The following KDM5C variants were observed in gnomAD, a reference collection of about 807,000 sequenced individuals.
The protein encoded by KDM5C is lysine demethylase 5C.
Under a neutral mutation model 110.6 loss-of-function variants are expected in KDM5C, and 16 were observed. That is an observed-to-expected ratio of 0.14 (90% CI 0.10 to 0.22). KDM5C has a LOEUF of 0.22. Among genes scored for constraint, KDM5C ranks in the 10% least tolerant of loss-of-function variants. The pLI, the probability that KDM5C is intolerant of heterozygous loss-of-function variation, is 1.00. For synonymous variants in KDM5C, 511 were observed against 520.4 expected (o/e 0.98, Z 0.24); for missense variants, 681 against 1,300.9 (o/e 0.52, Z 7.33).
chrX:53,201,345 TCAGAGGGG>T, intron 14 of KDM5C, 197 bp downstream of exon 14: 1 of 454,382 alleles, frequency 2.2e-6, no homozygotes, highest in Non-Finnish European at 3.9e-6. Context: ...ATCCCATTTT[TCAGAGGGG>T]AAAACTGACA....
chrX:53,189,397 T>C (rs890305336), downstream of KDM5C, among the ~76,000 whole-genome samples: 1 of 112,599 alleles, frequency 8.9e-6, no homozygotes. Flanking sequence ...TAGGGGTCTG[T>C]TTCCTGTGTC....
intron 2 of KDM5C, among the ~76,000 whole-genome samples, chrX:53,219,748 G>A (rs2073848400): frequency 8.9e-6 from 1 of 112,511 alleles, no homozygotes; most frequent in Admixed American, 9.4e-5. Context: ...AAAGGGCAAG[G>A]AAGTGCTCCT....
At chrX:53,207,976 A>G (rs781809391) in intron 12 of KDM5C, among the ~76,000 whole-genome samples, 122 of 108,056 alleles carry the variant, frequency 1.1e-3, no homozygotes, top group African/African-American at 3.8e-3. Flanking sequence ...CTCAAAAAAA[A>G]AAAAAAAAAA....
rs782723104 is a variant in KDM5C, at chrX:53,195,073, G to A, written c.3301-5C>T. 3 of 1,207,881 alleles carry A rather than the reference G, an allele frequency of 2.5e-6. No homozygotes were observed. In the South Asian group the frequency reaches 5.3e-5, roughly 22 times the overall value. ...ATCTGCACATGGGCAGAGAACCTGGGGCAGGCAGACAAGAGAGGGAATGAC... is the reference window on the plus strand; with the variant it reads ...ATCTGCACATGGGCAGAGAACCTGGAGCAGGCAGACAAGAGAGGGAATGAC... On this transcript the variant is annotated splice_polypyrimidine_tract_variant and splice_region_variant and intron_variant, in intron 21 of 25. Transcript: ENST00000375401.
chrX:53,197,794 T>G lies in KDM5C; in HGVS notation c.2599A>C (p.Met867Leu). ...ACCTTGACATCCCCAATCTGGTGCA[T>G]GGCGCAAGGCAGGTTGTTCATCTGG... Reference protein sequence around the residue: ...LDQMNNLPCAMHQIGDVKGVL... With the variant: ...LDQMNNLPCALHQIGDVKGVL... The change falls in exon 18 of 26, where the codon ATG (methionine) becomes CTG (leucine). Residue 867 changes from methionine to leucine, a missense_variant. Around this residue, in one of 14 missense-constraint regions of KDM5C, gnomAD observed 123 missense variants for 169.0 expected, o/e 0.73. Transcript: ENST00000375401. 8.3e-7 allele frequency: 1 copy of G among 1,205,415 alleles called. No homozygotes were observed. The highest frequency in any genetic ancestry group is 1.1e-6 in the Non-Finnish European group (1 of 892,108).
chrX:53,218,600 C>A, intron 2 of KDM5C: 2 of 493,068 alleles, frequency 4.1e-6, no homozygotes, highest in Admixed American at 2.8e-5. Context: ...TTTTTTGAGA[C>A]GGTCTTGCTC....
chrX:53,204,740 C>A (rs1005653945), intron 12 of KDM5C, among the ~76,000 whole-genome samples: 1 of 111,776 alleles, frequency 8.9e-6, no homozygotes, highest in African/African-American at 3.3e-5. Flanking sequence ...TCATGATCCA[C>A]CCGCCTCGGC....
intron 12 of KDM5C, among the ~76,000 whole-genome samples, chrX:53,204,803 C>T (rs1234432935): frequency 8.9e-6 from 1 of 112,006 alleles, no homozygotes; most frequent in East Asian, 2.8e-4. Context: ...GCCCTCACAG[C>T]TTCTTATACA....
intron 12 of KDM5C, among the ~76,000 whole-genome samples, chrX:53,208,884 C>T (rs181176145): frequency 0.021 from 1,934 of 91,766 alleles, 45 homozygotes; most frequent in Middle Eastern, 0.071. Context: ...GGTACAATCT[C>T]GGCTCACTGC....
chrX:53,191,090 C>T (rs1280288413), downstream of KDM5C, among the ~76,000 whole-genome samples: 2 of 111,665 alleles, frequency 1.8e-5, no homozygotes, highest in Non-Finnish European at 3.8e-5. Context: ...TTTGGAGGGT[C>T]AAGGATCCCT....
intron 12 of KDM5C, among the ~76,000 whole-genome samples, chrX:53,203,799 C>CT (rs1177719341): frequency 9.2e-6 from 1 of 108,293 alleles, no homozygotes; most frequent in Non-Finnish European, 1.9e-5. Context: ...CAGAGTCTCA[C>CT]TTTGTCGCCC....
rs1556831852 is a variant in KDM5C at position 53,192,886 on chromosome X, G to C, written c.*81C>G. 1 of 218,969 alleles carries C rather than the reference G, an allele frequency of 4.6e-6. No individual in the cohort carries two copies. The highest frequency in any genetic ancestry group is 8.1e-6 in the Non-Finnish European group (1 of 124,026). The allele number at this position is 218,969 out of a possible 1,213,427, so 18.0% of individuals were successfully genotyped here. ...ACCCCCCTACCCGCCCACCCCCCAA[G>C]AAGCAGGCTTGATGGTCAGAAAGAG... On this transcript the variant is annotated 3_prime_UTR_variant, in exon 26 of 26. Coordinates refer to ENST00000375401, the MANE Select transcript of KDM5C (RefSeq NM_004187.5).
rs1556834314 is a variant in KDM5C, at chrX:53,194,490, T to C, written c.3687A>G (p.Ser1229=). ...LLSSPRPNPT[S]SPLLAWWEWD... ...ATTCCCACCAGGCCAGCAGTGGGGA[T>C]GAGGTGGGATTGGGCCTCGGAGAGC... The change falls in exon 23 of 26, where the codon TCA becomes TCG. Residue 1229 remains serine, a synonymous_variant. Transcript: ENST00000375401. The C allele has an allele frequency of 8.3e-7, 1 of 1,211,034 alleles. No homozygotes were observed. The highest frequency in any genetic ancestry group is 1.1e-6 in the Non-Finnish European group (1 of 895,003).
downstream of KDM5C, chrX:53,191,830 T>A (rs925183660): frequency 5.7e-5 from 10 of 174,651 alleles, no homozygotes; most frequent in Admixed American, 7.9e-5. Context: ...GTAAATTATA[T>A]CTCAATAAAG....
At chrX:53,220,762 A>G (rs374281979) in intron 2 of KDM5C, 77 bp downstream of exon 2, 47 of 848,518 alleles carry the variant, frequency 5.5e-5, no homozygotes, top group South Asian at 3.8e-4. Context: ...CCTCAGCCAG[A>G]GAAACTATAA....
Position 53,225,033 on chromosome X carries a change from G to T in KDM5C, c.-144C>A. 5.9e-6 allele frequency: 4 copies of T among 682,954 alleles called. No homozygotes were observed. The highest frequency in any genetic ancestry group is 2.9e-5 in the South Asian group (1 of 34,026). 56.3% of individuals were successfully genotyped at this position (682,954 alleles called of 1,213,427 possible). A position where few individuals can be genotyped will look rare whatever the true frequency, so the allele number is the denominator to read the frequency against. On this transcript the variant is annotated 5_prime_UTR_variant, in exon 1 of 26. Transcript: ENST00000375401. The stretch of plus-strand genomic sequence containing the variant: ...CGCCGCCCGCCGAGGGCCTAAGGGG[G>T]CGTGTGGCCGTCGTGCTCTGAGAGT...
At chrX:53,215,220 C>A in intron 7 of KDM5C, 1 of 371,927 alleles carries the variant, frequency 2.7e-6, no homozygotes, top group East Asian at 7.2e-5. Flanking sequence ...AGGAAGCACT[C>A]AAAGCAGCTG....
intron 12 of KDM5C, among the ~76,000 whole-genome samples, chrX:53,206,223 G>T (rs187692963): frequency 8.9e-6 from 1 of 112,290 alleles, no homozygotes; most frequent in Admixed American, 9.4e-5. Context: ...AGAAACAAAT[G>T]ACCACATATT....
At chrX:53,223,086 A>G (rs1459165751) in intron 1 of KDM5C, among the ~76,000 whole-genome samples, 6 of 112,115 alleles carry the variant, frequency 5.4e-5, no homozygotes, top group Non-Finnish European at 1.9e-5. Context: ...CTGGCCATGC[A>G]CACCTGGGAC....
Sources: allele counts gnomAD v4.1 joint callset (sites outside exome capture counted in the v4.1 genomes callset), GRCh38; gene constraint gnomAD v4.1.1; regional missense constraint gnomAD v4.1.1; transcripts MANE v1.5; gene names NCBI Gene and HGNC (gene_info 2026-07-23, HGNC 2026-07-21).